DLGAP2: variants seen among roughly 807,000 people sequenced by gnomAD.
DLGAP2 encodes the protein disks large-associated protein 2.
A neutral mutation model predicts 100.3 loss-of-function variants in DLGAP2; 26 were observed. That is an observed-to-expected ratio of 0.26 (90% CI 0.19 to 0.36). The LOEUF (loss-of-function observed/expected upper bound fraction) is 0.36. Ranked by LOEUF, DLGAP2 falls within the 10% of genes least tolerant of loss-of-function variation. DLGAP2 has a pLI of 1.00. For missense variants in DLGAP2, 1,858 were observed against 1,453.2 expected (o/e 1.28, Z -4.53); for synonymous variants, 886 against 630.1 (o/e 1.41, Z -6.08).
chr8:1,630,989 G>A (rs1168185031), intron 7 of DLGAP2, among the ~76,000 whole-genome samples: 3 of 148,532 alleles, frequency 2.0e-5, no homozygotes, highest in African/African-American at 7.4e-5. Flanking sequence ...AGGTCCGGGT[G>A]TCCCGAGGGT....
intron 1 of DLGAP2, among the ~76,000 whole-genome samples, chr8:793,097 G>A (rs562254522): frequency 3.3e-5 from 5 of 152,210 alleles, no homozygotes; most frequent in East Asian, 3.9e-4. Context: ...TCTTCTTGCC[G>A]CTGGCTCTTC....
rs74379278 is a variant in DLGAP2, at chr8:1,449,624, T to C, written c.107-51742T>C. The stretch of plus-strand genomic sequence containing the variant: ...GGCACTCTGCATTCTGAACGGGCAA[T>C]GCTGAGGCTGAGGGTCCCTGGGCCA... On this transcript the variant is annotated intron_variant, in intron 3 of 14. Transcript: ENST00000637795. Among the ~76,000 whole-genome samples the C allele has an allele frequency of 1.1e-3, 164 of 152,236 alleles. 1 individual carries two copies. The highest frequency in any genetic ancestry group is 3.7e-3 in the African/African-American group (152 of 41,522).
At position 823,310 on chromosome 8, in the gene DLGAP2, C is replaced by CATT. The variant is rs5888817; in HGVS notation, c.19-84574_19-84572dup. Reference sequence around the variant, plus strand: ...AGGAGTTGTAAGGCGAGCTTGAATTCATTATTATTATTATTATTATTATTA... The same window carrying CATT: ...AGGAGTTGTAAGGCGAGCTTGAATTCATTATTATTATTATTATTATTATTATTA... On this transcript the variant is annotated intron_variant, in intron 1 of 14. Coordinates refer to ENST00000637795, the MANE Select transcript of DLGAP2 (RefSeq NM_001346810.2). Among the ~76,000 whole-genome samples, 668 of 148,504 alleles carry CATT rather than the reference C, an allele frequency of 4.5e-3. 3 individuals are homozygous for CATT. Among genetic ancestry groups the CATT allele is most frequent in the African/African-American group, 0.013 (520 of 40,298 alleles).
chr8:1,353,421 T>A (rs73670783), intron 3 of DLGAP2, among the ~76,000 whole-genome samples: 119 of 152,348 alleles, frequency 7.8e-4, no homozygotes, highest in African/African-American at 2.7e-3. Flanking sequence ...GTCAATGAAT[T>A]ATGTAAGGTA....
intron 2 of DLGAP2, chr8:1,019,608 T>C (rs920547301): frequency 6.7e-6 from 1 of 149,326 alleles, no homozygotes; most frequent in African/African-American, 2.4e-5. Flanking sequence ...TGCTGGAATT[T>C]CGTGATCTCT....
At chr8:775,931 G>A (rs1350313847) in intron 1 of DLGAP2, among the ~76,000 whole-genome samples, 1 of 149,632 alleles carries the variant, frequency 6.7e-6, no homozygotes, top group Non-Finnish European at 1.5e-5. Flanking sequence ...AATGGTACCA[G>A]TTCCTCCTTG....
chr8:1,180,287 A>T (rs1797351636), intron 2 of DLGAP2, among the ~76,000 whole-genome samples: 1 of 152,008 alleles, frequency 6.6e-6, no homozygotes, highest in Admixed American at 6.5e-5. Context: ...CAGACGTGGA[A>T]CTCTTCCACA....
rs1481087354 is a variant in DLGAP2, at chr8:1,293,434, G to A, written c.106+34551G>A. 1.3e-4 allele frequency among the ~76,000 whole-genome samples: 20 copies of A among 152,328 alleles called. No individual in the cohort carries two copies. In the South Asian group the frequency reaches 3.1e-3, roughly 24 times the overall value. ...GCAGGCTGGGCTCCCGGACAGCTGA[G>A]CCATGGCTCCTTCCCTGTGCCTCCC... On this transcript the variant is annotated intron_variant, in intron 3 of 14. Transcript: ENST00000637795.
At chr8:1,533,852 G>T (rs530198140) in intron 4 of DLGAP2, among the ~76,000 whole-genome samples, 1 of 152,266 alleles carries the variant, frequency 6.6e-6, no homozygotes, top group Non-Finnish European at 1.5e-5. Context: ...AGCTCCTCAG[G>T]AGGCTGAGGT....
chr8:1,243,159 G>T (rs150676045), intron 2 of DLGAP2, among the ~76,000 whole-genome samples: 1 of 152,278 alleles, frequency 6.6e-6, no homozygotes, highest in East Asian at 1.9e-4. Flanking sequence ...AAGGCAGGGC[G>T]TGCTCATGGA....
At chr8:751,863 C>T (rs927739548) in intron 1 of DLGAP2, among the ~76,000 whole-genome samples, 2 of 151,930 alleles carry the variant, frequency 1.3e-5, no homozygotes, top group African/African-American at 4.8e-5. Context: ...TCATCTGACA[C>T]TTCATAGTAA....
At chr8:1,341,725 C>A (rs767829856) in intron 3 of DLGAP2, among the ~76,000 whole-genome samples, 3 of 152,188 alleles carry the variant, frequency 2.0e-5, no homozygotes, top group Non-Finnish European at 4.4e-5. Flanking sequence ...ACTGCCCGCC[C>A]TTTTGGGCAC....
At chr8:1,621,752 C>G (rs1797344481) in intron 6 of DLGAP2, 2 of 152,100 alleles carry the variant, frequency 1.3e-5, no homozygotes, top group African/African-American at 2.4e-5. Context: ...ATTTCCGAGC[C>G]TCTGCGGTCA....
chr8:1,576,351 G>T (rs1802977637), intron 6 of DLGAP2, among the ~76,000 whole-genome samples: 1 of 152,174 alleles, frequency 6.6e-6, no homozygotes, highest in African/African-American at 2.4e-5. Flanking sequence ...TGAGTTCTTT[G>T]TAGATTCTGG....
intron 1 of DLGAP2, among the ~76,000 whole-genome samples, chr8:896,953 T>C (rs1798154138): frequency 6.6e-6 from 1 of 152,190 alleles, no homozygotes; most frequent in Non-Finnish European, 1.5e-5. Context: ...GTAAGAGATT[T>C]GAGGGGTGAA....
rs908703292 is a variant in DLGAP2 at position 1,705,282 on chromosome 8, T to C, written c.*3876T>C. 1.3e-5 allele frequency: 2 copies of C among 152,266 alleles called. No individual in the cohort carries two copies. The highest frequency in any genetic ancestry group is 2.9e-5 in the Non-Finnish European group (2 of 68,076). The allele number at this position is 152,266 out of a possible 1,614,324, so 9.4% of individuals were successfully genotyped here. On this transcript the variant is annotated 3_prime_UTR_variant, in exon 15 of 15. Transcript: ENST00000637795. ...GCCAAGCCTCCTGTGGTCCTGAGCA[T>C]GAAGGGGCCAGGGGACCTCCTGGGA...
intron 1 of DLGAP2, among the ~76,000 whole-genome samples, chr8:809,942 C>G (rs539909710): frequency 6.6e-6 from 1 of 152,314 alleles, no homozygotes; most frequent in East Asian, 1.9e-4. Flanking sequence ...CTTTGGTTGG[C>G]GATGTCTTGG....
chr8:1,551,061 C>T (rs1014433590), intron 5 of DLGAP2, among the ~76,000 whole-genome samples: 24 of 152,214 alleles, frequency 1.6e-4, no homozygotes, highest in African/African-American at 5.8e-4. Context: ...GCACCGTCAC[C>T]ATCAGGTCCA....
At chr8:1,224,904 GA>G (rs1461320037) in intron 2 of DLGAP2, among the ~76,000 whole-genome samples, 1 of 152,236 alleles carries the variant, frequency 6.6e-6, no homozygotes, top group Non-Finnish European at 1.5e-5. Context: ...CATCTGCTAG[GA>G]TGGCTGTTGG....
Sources: allele counts gnomAD v4.1 joint callset (sites outside exome capture counted in the v4.1 genomes callset), GRCh38; gene constraint gnomAD v4.1.1; transcripts MANE v1.5; gene names NCBI Gene and HGNC (gene_info 2026-07-23, HGNC 2026-07-21).